FAM53B: variants seen among roughly 807,000 people sequenced by gnomAD.
FAM53B encodes the protein protein FAM53B.
In FAM53B, 12 loss-of-function variants were observed where a neutral mutation model predicts 32.7. The observed-to-expected ratio is 0.37, with a 90% CI of 0.24 to 0.59. The LOEUF is 0.59. Ranked by LOEUF, FAM53B falls within the 20% of genes least tolerant of loss-of-function variation. FAM53B has a pLI of 0.72. For synonymous variants in FAM53B, 234 were observed against 228.7 expected (o/e 1.02, Z -0.21); for missense variants, 477 against 577.7 (o/e 0.83, Z 1.79).
intron 1 of FAM53B, chr10:124,713,604 A>G (rs756361347): frequency 6.6e-6 from 1 of 152,226 alleles, no homozygotes; most frequent in Non-Finnish European, 1.5e-5. Flanking sequence ...CAAACTCTAC[A>G]ATCCTATATA....
chr10:124,715,313 C>T (rs1259942097), intron 1 of FAM53B, among the ~76,000 whole-genome samples: 1 of 152,156 alleles, frequency 6.6e-6, no homozygotes, highest in Non-Finnish European at 1.5e-5. Flanking sequence ...GACAGGAAGC[C>T]ATCACTTTCC....
chr10:124,691,237 T>C (rs1184064373), intron 3 of FAM53B, among the ~76,000 whole-genome samples: 8 of 152,198 alleles, frequency 5.3e-5, no homozygotes, highest in African/African-American at 1.9e-4. Flanking sequence ...ACAACCCTTT[T>C]ATGTACAGAG....
intron 1 of FAM53B, among the ~76,000 whole-genome samples, chr10:124,712,366 T>C (rs138901514): frequency 6.6e-6 from 1 of 151,986 alleles, no homozygotes. Flanking sequence ...AAAAAATAAT[T>C]ATTATTATTA....
At chr10:124,687,769 T>G (rs1267715405) in intron 3 of FAM53B, among the ~76,000 whole-genome samples, 3 of 152,206 alleles carry the variant, frequency 2.0e-5, no homozygotes, top group Admixed American at 6.5e-5. Flanking sequence ...ATTTGCATCT[T>G]AATAAGCTCC....
chr10:124,723,827 T>C (rs1267859345), intron 1 of FAM53B, among the ~76,000 whole-genome samples: 1 of 152,220 alleles, frequency 6.6e-6, no homozygotes, highest in Non-Finnish European at 1.5e-5. Context: ...GAAGATTATA[T>C]ACACATGTGA....
intron 2 of FAM53B, among the ~76,000 whole-genome samples, chr10:124,697,393 G>T (rs1184677766): frequency 6.6e-6 from 1 of 152,152 alleles, no homozygotes; most frequent in Non-Finnish European, 1.5e-5. Context: ...GCTCTTTAAG[G>T]CCTGGCAGGA....
chr10:124,663,395 C>T (rs1435890481), intron 4 of FAM53B, among the ~76,000 whole-genome samples: 1 of 152,196 alleles, frequency 6.6e-6, no homozygotes, highest in Non-Finnish European at 1.5e-5. Flanking sequence ...AGAGAAAGGC[C>T]AGCACTGGAG....
intron 1 of FAM53B, among the ~76,000 whole-genome samples, chr10:124,711,389 C>A (rs1372678624): frequency 2.0e-5 from 3 of 152,120 alleles, no homozygotes; most frequent in Non-Finnish European, 4.4e-5. Context: ...CAGACATGTT[C>A]TGTGTCTTGA....
chr10:124,660,478 C>T (rs908805286), intron 4 of FAM53B, among the ~76,000 whole-genome samples: 5 of 152,226 alleles, frequency 3.3e-5, no homozygotes, highest in African/African-American at 4.8e-5. Context: ...CTCCAGTTAG[C>T]CAAGCTTCAC....
intron 4 of FAM53B, among the ~76,000 whole-genome samples, chr10:124,631,883 G>A (rs1038565533): frequency 1.3e-5 from 2 of 152,170 alleles, no homozygotes; most frequent in Non-Finnish European, 2.9e-5. Flanking sequence ...GCTCCTGTGT[G>A]TACCCCATTT....
chr10:124,645,220 T>C (rs1258974025), intron 4 of FAM53B, among the ~76,000 whole-genome samples: 1 of 152,246 alleles, frequency 6.6e-6, no homozygotes, highest in African/African-American at 2.4e-5. Flanking sequence ...ATCACCGCCA[T>C]TCTGTGGTAA....
At chr10:124,705,509 T>C (rs1179163460) in intron 2 of FAM53B, 1 of 152,330 alleles carries the variant, frequency 6.6e-6, no homozygotes, top group East Asian at 1.9e-4. Flanking sequence ...AGCCCTGGGC[T>C]TCCCATGGGC....
chr10:124,658,746 G>C (rs568132509), intron 4 of FAM53B, among the ~76,000 whole-genome samples: 1 of 152,202 alleles, frequency 6.6e-6, no homozygotes. Context: ...GCAGTGCAGT[G>C]AGCTAAAGGG....
intron 1 of FAM53B, among the ~76,000 whole-genome samples, chr10:124,721,777 C>A (rs1219403725): frequency 1.3e-5 from 2 of 152,202 alleles, no homozygotes; most frequent in African/African-American, 2.4e-5. Context: ...CCTGTGAACA[C>A]GTGTGTGAGT....
chr10:124,627,923 G>A (rs942207678), intron 4 of FAM53B, among the ~76,000 whole-genome samples: 6 of 152,212 alleles, frequency 3.9e-5, no homozygotes, highest in East Asian at 3.9e-4. Context: ...ACAGACAAAG[G>A]TGGCCTGGTC....
At chr10:124,630,022 T>TC (rs1949380335) in intron 4 of FAM53B, among the ~76,000 whole-genome samples, 1 of 152,202 alleles carries the variant, frequency 6.6e-6, no homozygotes. Context: ...GCAGGGCCCT[T>TC]CCCCTGGGCA....
intron 2 of FAM53B, among the ~76,000 whole-genome samples, chr10:124,701,720 A>AC (rs1358227302): frequency 1.3e-5 from 2 of 152,130 alleles, no homozygotes; most frequent in Non-Finnish European, 2.9e-5. Flanking sequence ...GGGGAACTGG[A>AC]CCCAGCCATG....
At chr10:124,703,644 T>A (rs1949930689) in intron 2 of FAM53B, 1 of 152,596 alleles carries the variant, frequency 6.6e-6, no homozygotes. Context: ...AACAGACCTC[T>A]CATCTGGAGC....
At chr10:124,707,785 T>C (rs1949971472) in intron 1 of FAM53B, 1 of 152,166 alleles carries the variant, frequency 6.6e-6, no homozygotes, top group African/African-American at 2.4e-5. Flanking sequence ...TCCTTGGAAG[T>C]GCCACATTTC....
Sources: gnomAD v4.1 joint callset for allele counts (sites outside exome capture counted in the v4.1 genomes callset) on GRCh38, gnomAD v4.1.1 for gene constraint, MANE v1.5 for transcripts, NCBI Gene and HGNC (gene_info 2026-07-23, HGNC 2026-07-21) for gene names.